The following IFT88 variants were observed in gnomAD, a reference collection of about 807,000 sequenced individuals.
IFT88 encodes intraflagellar transport protein 88 homolog.
Under a neutral mutation model 119.5 loss-of-function variants are expected in IFT88, and 74 were observed. The ratio of observed to expected loss-of-function variants is 0.62; its 90% CI spans 0.51 to 0.75. IFT88 has a LOEUF of 0.75. Ranked by LOEUF, IFT88 falls within the 30% of genes least tolerant of loss-of-function variation. The pLI is 0.00. For synonymous variants in IFT88, 279 were observed against 316.7 expected (o/e 0.88, Z 1.26); for missense variants, 961 against 977.7 (o/e 0.98, Z 0.23).
At position 20,689,557 on chromosome 13, in the gene IFT88, C is replaced by T. The variant is rs149105362; in HGVS notation, c.2243-1148C>T. 7.9e-5 allele frequency among the ~76,000 whole-genome samples: 12 copies of T among 152,232 alleles called. No homozygotes were observed. In the East Asian group the frequency reaches 2.3e-3, roughly 29 times the overall value. On this transcript the variant is annotated intron_variant, in intron 24 of 25. Transcript: ENST00000351808. ...AGTCAAAGAACTGTGTATGCCCTTG[C>T]CCTTCGTTGACTGCAAACCCTAAGG...
intron 15 of IFT88, among the ~76,000 whole-genome samples, chr13:20,626,638 C>A (rs1445512050): frequency 6.6e-6 from 1 of 152,070 alleles, no homozygotes; most frequent in Non-Finnish European, 1.5e-5. Flanking sequence ...GTTTTAGAAC[C>A]CCGCAGATCT....
intron 1 of IFT88, among the ~76,000 whole-genome samples, chr13:20,569,618 T>C (rs1219626242): frequency 6.6e-6 from 1 of 151,924 alleles, no homozygotes; most frequent in East Asian, 1.9e-4. Context: ...CAGAGGATAG[T>C]ACAAAGAATG....
intron 13 of IFT88, among the ~76,000 whole-genome samples, chr13:20,612,739 A>G (rs1322613068): frequency 6.6e-6 from 1 of 152,240 alleles, no homozygotes; most frequent in East Asian, 1.9e-4. Context: ...ATTGATGAAG[A>G]CACTGTGAAG....
intron 13 of IFT88, among the ~76,000 whole-genome samples, chr13:20,614,956 C>T (rs1566201933): frequency 6.6e-6 from 1 of 151,784 alleles, no homozygotes; most frequent in Non-Finnish European, 1.5e-5. Flanking sequence ...GCTGGGACTA[C>T]AGGCGCCTGC....
chr13:20,632,608 T>C (rs1202530337), intron 16 of IFT88, among the ~76,000 whole-genome samples: 1 of 152,220 alleles, frequency 6.6e-6, no homozygotes, highest in East Asian at 1.9e-4. Context: ...CTTGTTTAAA[T>C]TTACTGTCCT....
intron 22 of IFT88, among the ~76,000 whole-genome samples, chr13:20,657,059 T>C (rs1199132212): frequency 1.3e-5 from 2 of 152,188 alleles, no homozygotes; most frequent in African/African-American, 4.8e-5. Context: ...GGTTTTACTA[T>C]GTTGGCCAGG....
At chr13:20,591,533 CT>C in intron 5 of IFT88, 84 bp from the exon 6 acceptor site, 1 of 918,518 alleles carries the variant, frequency 1.1e-6, no homozygotes, top group Non-Finnish European at 1.7e-6. Context: ...TTAAATAGGG[CT>C]ATATTAAGGT....
intron 2 of IFT88, among the ~76,000 whole-genome samples, chr13:20,578,884 C>A (rs1344355629): frequency 6.6e-6 from 1 of 152,128 alleles, no homozygotes; most frequent in East Asian, 1.9e-4. Flanking sequence ...GTTGTAATGT[C>A]CCTTTTTTAT....
At chr13:20,594,062 TAA>T (rs564792434) in intron 7 of IFT88, among the ~76,000 whole-genome samples, 7 of 137,448 alleles carry the variant, frequency 5.1e-5, no homozygotes, top group African/African-American at 1.6e-4. Context: ...AAGAAAGACT[TAA>T]AAAAAAAAAA....
In IFT88 at chr13:20,659,888, C is replaced by T. The variant is rs558427136; in HGVS notation, c.2068+3458C>T. Among the ~76,000 whole-genome samples, 11 of 152,138 alleles carry T rather than the reference C, an allele frequency of 7.2e-5. No individual in the cohort carries two copies. In the East Asian group the frequency reaches 1.4e-3, roughly 19 times the overall value. On this transcript the variant is annotated intron_variant, in intron 22 of 25. Transcript: ENST00000351808. ...TGAACTCCTGACCTCATGATCTGCC[C>T]GCCTCAGCCTCCCAAAGTGCTGGGA...
At chr13:20,584,994 G>A (rs962312532) in intron 3 of IFT88, among the ~76,000 whole-genome samples, 5 of 152,198 alleles carry the variant, frequency 3.3e-5, no homozygotes, top group South Asian at 4.1e-4. Context: ...CTATCCAGCC[G>A]AAACTCCTTT....
At chr13:20,618,197 G>A (rs575547861) in intron 14 of IFT88, among the ~76,000 whole-genome samples, 36 of 152,300 alleles carry the variant, frequency 2.4e-4, no homozygotes, top group African/African-American at 8.7e-4. Flanking sequence ...TGGGATTATG[G>A]TCGTGAGCCA....
chr13:20,594,797 C>G (rs2041349191), intron 7 of IFT88, among the ~76,000 whole-genome samples: 1 of 152,184 alleles, frequency 6.6e-6, no homozygotes, highest in South Asian at 2.1e-4. Context: ...AACTAATAAA[C>G]TTTGTAGTCT....
At chr13:20,690,570 T>C (rs2058375644) in intron 24 of IFT88, 135 bp from the exon 25 acceptor site, 1 of 581,056 alleles carries the variant, frequency 1.7e-6, no homozygotes, top group Non-Finnish European at 3.1e-6. Context: ...ACAAGAATTA[T>C]ATCCCTAAGA....
At position 20,643,586 on chromosome 13, in the gene IFT88, C is replaced by A; in HGVS notation, c.1814C>A (p.Ala605Glu). 1 of 1,601,460 alleles carries A rather than the reference C, an allele frequency of 6.2e-7. No homozygotes were observed. Among genetic ancestry groups the A allele is most frequent in the Non-Finnish European group, 8.5e-7 (1 of 1,172,328 alleles). Residue 605 changes from alanine (A) to glutamate (E), a missense_variant, in exon 19 of 26, where the codon GCA (alanine) becomes GAA (glutamate). Ala to Glu is a moderately radical substitution (Grantham distance 107). Coordinates refer to ENST00000351808, the MANE Select transcript of IFT88 (RefSeq NM_006531.5). ...GATCGTGAAGGAGATAAATCTCAAGCATTTCAATATTACTATGAGGTAGGT... is the reference window on the plus strand; with the variant it reads ...GATCGTGAAGGAGATAAATCTCAAGAATTTCAATATTACTATGAGGTAGGT... ...LYDREGDKSQ[A>E]FQYYYESYRY...
At chr13:20,579,883 G>A (rs1310786819) in intron 2 of IFT88, among the ~76,000 whole-genome samples, 1 of 152,174 alleles carries the variant, frequency 6.6e-6, no homozygotes, top group Admixed American at 6.5e-5. Flanking sequence ...TCCTGCCATG[G>A]CTGGGTTCTT....
intron 12 of IFT88, among the ~76,000 whole-genome samples, chr13:20,602,206 C>CTTTTTTTT (rs11458148): frequency 8.5e-6 from 1 of 118,184 alleles, no homozygotes; most frequent in Non-Finnish European, 1.7e-5. Context: ...AGCATAATAT[C>CTTTTTTTT]TTTTTTTTTT....
chr13:20,638,900 A>G (rs936010959), intron 17 of IFT88, among the ~76,000 whole-genome samples: 2 of 152,224 alleles, frequency 1.3e-5, no homozygotes, highest in African/African-American at 2.4e-5. Context: ...AACATGCACA[A>G]AAGTACACAC....
Position 20,605,082 on chromosome 13 carries a change from C to T in IFT88, c.1089C>T (p.His363=), listed in dbSNP as rs767373782. 2 of 1,494,314 alleles carry T rather than the reference C, an allele frequency of 1.3e-6. No homozygotes were observed. The highest frequency in any genetic ancestry group is 1.9e-6 in the Non-Finnish European group (2 of 1,077,642). The allele number at this position is 1,494,314 out of a possible 1,614,324, so 92.6% of individuals were successfully genotyped here. Residue 363 remains histidine (H), a synonymous_variant, in exon 13 of 26, where the codon CAC becomes CAT. Transcript: ENST00000351808. ...NLVTEAIKND[H]LRQMERERKA... is the part of the protein sequence containing the mutation. ...TAACTGAAGCTATAAAAAATGATCA[C>T]CTCAGGCAAATGGAACGTGAAAGGT...
Sources: allele counts gnomAD v4.1 joint callset (sites outside exome capture counted in the v4.1 genomes callset), GRCh38; gene constraint gnomAD v4.1.1; transcripts MANE v1.5; gene names NCBI Gene and HGNC (gene_info 2026-07-23, HGNC 2026-07-21).